TLE3: variants seen among roughly 807,000 people sequenced by gnomAD.
TLE3 encodes the protein transducin-like enhancer protein 3.
A neutral mutation model predicts 93.0 loss-of-function variants in TLE3; 14 were observed. The observed-to-expected ratio is 0.15, with a 90% CI of 0.10 to 0.24. The LOEUF (loss-of-function observed/expected upper bound fraction) is 0.24. TLE3 is among the 10% of genes least tolerant of loss of function. The pLI is 1.00. For missense variants in TLE3, 693 were observed against 1,046.6 expected, an observed-to-expected ratio of 0.66 and a Z score of 4.66; for synonymous variants, 451 against 425.0, an observed-to-expected ratio of 1.06 and a Z score of -0.75.
intron 4 of TLE3, among the ~76,000 whole-genome samples, chr15:70,078,192 C>T (rs1246699421): frequency 6.6e-6 from 1 of 152,130 alleles, no homozygotes; most frequent in Non-Finnish European, 1.5e-5. Context: ...AGGGTCCTTC[C>T]TCACTCTGCT....
At chr15:70,075,937 G>A (rs900399488) in intron 5 of TLE3, among the ~76,000 whole-genome samples, 159 bp downstream of exon 5, 17 of 152,192 alleles carry the variant, frequency 1.1e-4, no homozygotes, top group African/African-American at 3.9e-4. Context: ...CAGACTGGCC[G>A]GAGAAGGCTC....
At chr15:70,076,792 C>T (rs2057468363) in intron 4 of TLE3, among the ~76,000 whole-genome samples, 1 of 152,164 alleles carries the variant, frequency 6.6e-6, no homozygotes, top group Non-Finnish European at 1.5e-5. Flanking sequence ...ATGATTTTGG[C>T]TCACTGCAGC....
At position 70,050,747 on chromosome 15, in the gene TLE3, A is replaced by AGT. The variant is rs905045848; in HGVS notation, c.2203-545_2203-544dup. 6.9e-5 allele frequency: 11 copies of AGT among 158,574 alleles called. No homozygotes were observed. In the South Asian group the frequency reaches 1.8e-3, roughly 26 times the overall value. 9.8% of individuals were successfully genotyped at this position (158,574 alleles called of 1,614,324 possible). On this transcript the variant is annotated intron_variant, in intron 19 of 19. Coordinates refer to ENST00000451782, the MANE Select transcript of TLE3 (RefSeq NM_001105192.3). ...GGCTGAGGGAGTGAGAGAGAATGCA[A>AGT]GTGTGTGTGTGGAAGCGCAAGAGAG... is the stretch of plus-strand genomic sequence containing the variant.
intron 8 of TLE3, among the ~76,000 whole-genome samples, chr15:70,062,448 C>G (rs545764997): frequency 6.6e-6 from 1 of 152,318 alleles, no homozygotes; most frequent in South Asian, 2.1e-4. Flanking sequence ...GGGAGAACAG[C>G]GAGCTCTTTC....
chr15:70,065,973 A>AGGCCCCCCCCCCC, intron 7 of TLE3, 41 bp downstream of exon 7: 3 of 806,250 alleles, frequency 3.7e-6, no homozygotes, highest in Non-Finnish European at 6.3e-6. Flanking sequence ...GCCCATGCCC[A>AGGCCCCCCCCCCC]CCCCTGCCCC....
Position 70,064,475 on chromosome 15 carries a change from G to A in TLE3, c.578-5C>T. The A allele has an allele frequency of 6.2e-7, 1 of 1,613,816 alleles. No individual in the cohort carries two copies. The highest frequency in any genetic ancestry group is 1.7e-4 in the Middle Eastern group (1 of 6,058). The stretch of plus-strand genomic sequence containing the variant: ...TTACCGCACTGGATTCTCTCTCTTT[G>A]GGGAAAGAAGGCCAGGACAGGAGGA... On this transcript the variant is annotated splice_region_variant and splice_polypyrimidine_tract_variant and intron_variant, in intron 7 of 19. Transcript: ENST00000451782.
Position 70,049,059 on chromosome 15 carries a change from G to A in TLE3, c.*1038C>T, listed in dbSNP as rs2055298342. On this transcript the variant is annotated 3_prime_UTR_variant, in exon 20 of 20. Transcript: ENST00000451782. ...CTATTTTTCTCTGGTAGCTCCCTGAGCTGAGTTGCTATGCTGTCTTCTAAC... is the reference window on the plus strand; with the variant it reads ...CTATTTTTCTCTGGTAGCTCCCTGAACTGAGTTGCTATGCTGTCTTCTAAC... 1 of 151,132 alleles carries A rather than the reference G, an allele frequency of 6.6e-6. No individual in the cohort carries two copies. Among genetic ancestry groups the A allele is most frequent in the Non-Finnish European group, 1.5e-5 (1 of 67,916 alleles). The allele number at this position is 151,132 out of a possible 1,614,324, so 9.4% of individuals were successfully genotyped here. A position where few individuals can be genotyped will look rare whatever the true frequency, so the allele number is the denominator to read the frequency against.
chr15:70,095,362 TTC>T (rs1161627068), intron 3 of TLE3: 54 of 1,436,224 alleles, frequency 3.8e-5, no homozygotes, highest in Non-Finnish European at 4.9e-5. Context: ...GAATCGGGGT[TTC>T]TCTTTCTGCC....
chr15:70,057,840 A>T, intron 12 of TLE3, 182 bp from the exon 13 acceptor site: 1 of 788,148 alleles, frequency 1.3e-6, no homozygotes, highest in Non-Finnish European at 2.0e-6. Flanking sequence ...AGCTTGGCAG[A>T]TGCACCCACC....
intron 8 of TLE3, among the ~76,000 whole-genome samples, chr15:70,064,053 C>T (rs1489169376): frequency 1.3e-5 from 2 of 152,252 alleles, no homozygotes; most frequent in East Asian, 3.9e-4. Flanking sequence ...GGTCAGCTGA[C>T]CTCTCAGAGT....
intron 18 of TLE3, 77 bp downstream of exon 18, chr15:70,052,297 C>A: frequency 6.4e-7 from 1 of 1,555,514 alleles, no homozygotes; most frequent in Non-Finnish European, 8.7e-7. Flanking sequence ...CTTTGGGCCC[C>A]TCTTCTGTCC....
intron 4 of TLE3, among the ~76,000 whole-genome samples, chr15:70,085,012 A>T (rs2057977152): frequency 6.6e-6 from 1 of 152,196 alleles, no homozygotes; most frequent in Non-Finnish European, 1.5e-5. Flanking sequence ...ATTAAAATTA[A>T]ATTTCAAACT....
Position 70,064,475 on chromosome 15 carries a change from G to T in TLE3, c.578-5C>A, listed in dbSNP as rs1177873030. On this transcript the variant is annotated splice_region_variant and splice_polypyrimidine_tract_variant and intron_variant, in intron 7 of 19. Coordinates refer to ENST00000451782, the MANE Select transcript of TLE3 (RefSeq NM_001105192.3). Reference sequence around the variant, plus strand: ...TTACCGCACTGGATTCTCTCTCTTTGGGGAAAGAAGGCCAGGACAGGAGGA... The same window carrying T: ...TTACCGCACTGGATTCTCTCTCTTTTGGGAAAGAAGGCCAGGACAGGAGGA... 1 of 1,613,698 alleles carries T rather than the reference G, an allele frequency of 6.2e-7. No homozygotes were observed. Among genetic ancestry groups the T allele is most frequent in the African/African-American group, 1.3e-5 (1 of 74,898 alleles).
At chr15:70,051,558 A>C in intron 18 of TLE3, 91 bp from the exon 19 acceptor site, 1 of 1,158,684 alleles carries the variant, frequency 8.6e-7, no homozygotes, top group Non-Finnish European at 1.2e-6. Context: ...GCCATAGAAA[A>C]GCAGTGAGAA....
At chr15:70,059,712 C>T (rs994972586) in intron 9 of TLE3, among the ~76,000 whole-genome samples, 1 of 152,248 alleles carries the variant, frequency 6.6e-6, no homozygotes. Flanking sequence ...GCCGCACTGA[C>T]ACCCGCTCCA....
intron 17 of TLE3, chr15:70,052,760 T>C (rs2055662121): frequency 8.1e-6 from 3 of 372,532 alleles, no homozygotes; most frequent in Admixed American, 4.4e-5. Context: ...AAGAAAAAAG[T>C]GAGTTAAAAA....
At chr15:70,076,396 T>C (rs886390354) in intron 4 of TLE3, among the ~76,000 whole-genome samples, 1 of 152,188 alleles carries the variant, frequency 6.6e-6, no homozygotes, top group East Asian at 1.9e-4. Flanking sequence ...CCAATTTCCA[T>C]CAGAGGTAGT....
Position 70,058,030 on chromosome 15 carries a change from C to G in TLE3, c.1051+129G>C. 1 of 1,435,566 alleles carries G rather than the reference C, an allele frequency of 7.0e-7. No homozygotes were observed. The highest frequency in any genetic ancestry group is 9.4e-7 in the Non-Finnish European group (1 of 1,064,562). 88.9% of individuals were successfully genotyped at this position (1,435,566 alleles called of 1,614,324 possible). A position where few individuals can be genotyped will look rare whatever the true frequency, so the allele number is the denominator to read the frequency against. On this transcript the variant is annotated intron_variant, in intron 12 of 19. Transcript: ENST00000451782. The surrounding 1 kb of genome is among the most constrained non-coding windows in gnomAD (Gnocchi z 4.1). ...CTCCTCAAATCTGACCGTGAAGTCC[C>G]CAGGGGCAGGCCCTGGGAGACACTG...
intron 17 of TLE3, chr15:70,052,931 G>C (rs2055677661): frequency 4.9e-6 from 2 of 409,716 alleles, no homozygotes; most frequent in South Asian, 8.3e-5. Flanking sequence ...AGACCTAGGA[G>C]GGTGCTACTA....
Sources: gnomAD v4.1 joint callset for allele counts (sites outside exome capture counted in the v4.1 genomes callset) on GRCh38, gnomAD v4.1.1 for gene constraint, Gnocchi (gnomAD v3.1) non-coding constraint, MANE v1.5 for transcripts, NCBI Gene and HGNC (gene_info 2026-07-23, HGNC 2026-07-21) for gene names.